Variants in CCBE1 observed in about 807,000 individuals in gnomAD.
The protein encoded by CCBE1 is collagen and calcium-binding EGF domain-containing protein 1.
In CCBE1, 37 loss-of-function variants were observed where a neutral mutation model predicts 50.0. The observed-to-expected ratio is 0.74, with a 90% CI of 0.57 to 0.97. The LOEUF (loss-of-function observed/expected upper bound fraction) is 0.97, where lower values mean the gene tolerates loss of function less well. Ranked by LOEUF, CCBE1 falls within the 50% of genes least tolerant of loss-of-function variation. The pLI, the probability that CCBE1 is intolerant of heterozygous loss-of-function variation, is 0.00. For missense variants in CCBE1, 538 were observed against 523.8 expected, an observed-to-expected ratio of 1.03 and a Z score of -0.26; for synonymous variants, 234 against 203.7, an observed-to-expected ratio of 1.15 and a Z score of -1.27.
intron 6 of CCBE1, among the ~76,000 whole-genome samples, chr18:59,454,002 G>A (rs1911061689): frequency 6.6e-6 from 1 of 152,092 alleles, no homozygotes; most frequent in Non-Finnish European, 1.5e-5. Context: ...CATCCTTGGT[G>A]ACACAAAGTA....
intron 2 of CCBE1, among the ~76,000 whole-genome samples, chr18:59,534,279 A>G (rs1397843367): frequency 1.3e-5 from 2 of 152,244 alleles, no homozygotes; most frequent in African/African-American, 4.8e-5. Flanking sequence ...TAGAATTTTA[A>G]AAGTTGAAAA....
chr18:59,549,877 C>G (rs1915850865), intron 2 of CCBE1, among the ~76,000 whole-genome samples: 1 of 152,192 alleles, frequency 6.6e-6, no homozygotes, highest in Non-Finnish European at 1.5e-5. Context: ...TTTGCAGAGT[C>G]TGCCCATTAT....
In CCBE1 at chr18:59,498,931, T is replaced by A. The variant is rs145098878; in HGVS notation, c.213-18693A>T. On this transcript the variant is annotated intron_variant, in intron 2 of 10. Transcript: ENST00000439986. ...TCTCCTGATAAACCCTAAGGCCAAG[T>A]GGCTCTCGGAATTTGGAGAGAACAG... Among the ~76,000 whole-genome samples the A allele has an allele frequency of 3.2e-3, 493 of 152,328 alleles. 3 individuals are homozygous for A. The highest frequency in any genetic ancestry group is 0.011 in the African/African-American group (473 of 41,566).
chr18:59,460,042 G>A (rs929149824), intron 5 of CCBE1, among the ~76,000 whole-genome samples: 1 of 152,216 alleles, frequency 6.6e-6, no homozygotes, highest in African/African-American at 2.4e-5. Context: ...ATTACTATTG[G>A]AGCCAACATT....
chr18:59,571,400 T>A (rs139757381), intron 2 of CCBE1, among the ~76,000 whole-genome samples: 2,498 of 147,608 alleles, frequency 0.017, 32 homozygotes, highest in Middle Eastern at 0.031. Flanking sequence ...CACCGCATGT[T>A]CTCACTCATA....
chr18:59,559,299 G>T (rs1439611698), intron 2 of CCBE1, among the ~76,000 whole-genome samples: 1 of 152,198 alleles, frequency 6.6e-6, no homozygotes, highest in Admixed American at 6.5e-5. Context: ...CCTGCAGGAC[G>T]CAGCACAGGG....
At chr18:59,607,534 T>C (rs191958053) in intron 2 of CCBE1, among the ~76,000 whole-genome samples, 10 of 152,228 alleles carry the variant, frequency 6.6e-5, no homozygotes, top group Admixed American at 6.5e-4. Flanking sequence ...CATAGTCCCA[T>C]AAATCACACT....
intron 2 of CCBE1, among the ~76,000 whole-genome samples, chr18:59,620,996 G>C (rs553785629): frequency 3.9e-5 from 6 of 152,196 alleles, no homozygotes; most frequent in African/African-American, 4.8e-5. Flanking sequence ...ACCATAGGAG[G>C]AGTGACAGAA....
chr18:59,697,011 A>G (rs1018496867), intron 1 of CCBE1, among the ~76,000 whole-genome samples: 15 of 152,222 alleles, frequency 9.9e-5, no homozygotes, highest in Admixed American at 4.6e-4. Flanking sequence ...GACGCGACCC[A>G]CGGATGGCAG....
intron 2 of CCBE1, among the ~76,000 whole-genome samples, chr18:59,588,606 G>A (rs1419195471): frequency 6.6e-6 from 1 of 152,154 alleles, no homozygotes; most frequent in Non-Finnish European, 1.5e-5. Flanking sequence ...CAGATAGCAA[G>A]AAGTATTTCT....
intron 2 of CCBE1, among the ~76,000 whole-genome samples, chr18:59,689,083 C>T (rs1273578801): frequency 1.3e-5 from 2 of 152,204 alleles, no homozygotes; most frequent in African/African-American, 4.8e-5. Flanking sequence ...ACTACTCAAA[C>T]TATTAGTAGT....
intron 5 of CCBE1, among the ~76,000 whole-genome samples, chr18:59,463,755 C>G (rs1203285015): frequency 1.3e-5 from 2 of 152,142 alleles, no homozygotes; most frequent in African/African-American, 4.8e-5. Context: ...TGCTGGGGTT[C>G]CCGGTGATTA....
chr18:59,643,659 A>C (rs1303103734), intron 2 of CCBE1, among the ~76,000 whole-genome samples: 1 of 152,168 alleles, frequency 6.6e-6, no homozygotes, highest in African/African-American at 2.4e-5. Flanking sequence ...GTGTCTGCTA[A>C]AAATACAAAA....
chr18:59,556,735 C>T (rs1250757121), intron 2 of CCBE1, among the ~76,000 whole-genome samples: 1 of 152,212 alleles, frequency 6.6e-6, no homozygotes, highest in African/African-American at 2.4e-5. Flanking sequence ...TTCCAACCCA[C>T]ACTGAGGTTT....
At chr18:59,670,217 A>G (rs2054413548) in intron 2 of CCBE1, among the ~76,000 whole-genome samples, 1 of 152,186 alleles carries the variant, frequency 6.6e-6, no homozygotes, top group Admixed American at 6.5e-5. Context: ...AATTATAATA[A>G]AAGTGAAAAA....
intron 3 of CCBE1, among the ~76,000 whole-genome samples, chr18:59,470,802 C>G (rs921623694): frequency 6.6e-5 from 10 of 152,136 alleles, no homozygotes; most frequent in African/African-American, 2.4e-4. Flanking sequence ...GGACACAGAG[C>G]GAGTCTGGCT....
intron 3 of CCBE1, among the ~76,000 whole-genome samples, chr18:59,472,050 T>C (rs1289599164): frequency 1.3e-5 from 2 of 152,234 alleles, no homozygotes; most frequent in Admixed American, 1.3e-4. Context: ...TTCCAACACT[T>C]GCAAAATCAG....
chr18:59,685,804 T>C (rs2054646464), intron 2 of CCBE1: 1 of 152,194 alleles, frequency 6.6e-6, no homozygotes, highest in South Asian at 2.1e-4. Flanking sequence ...GTTGTTATAG[T>C]GATATAGTGA....
At chr18:59,492,895 T>C (rs972326996) in intron 2 of CCBE1, among the ~76,000 whole-genome samples, 1 of 152,136 alleles carries the variant, frequency 6.6e-6, no homozygotes, top group South Asian at 2.1e-4. Flanking sequence ...ACCCTTGAAG[T>C]GTAAATGTCT....
Sources: gnomAD v4.1 joint callset for allele counts (sites outside exome capture counted in the v4.1 genomes callset) on GRCh38, gnomAD v4.1.1 for gene constraint, MANE v1.5 for transcripts, NCBI Gene and HGNC (gene_info 2026-07-23, HGNC 2026-07-21) for gene names.